S100Z: variants seen among roughly 807,000 people sequenced by gnomAD.
S100Z encodes S100 calcium binding protein Z, also known as protein S100-Z.
Under a neutral mutation model 8.5 loss-of-function variants are expected in S100Z, and 11 were observed. That is an observed-to-expected ratio of 1.30 (90% CI 0.82 to 2.15). The LOEUF (loss-of-function observed/expected upper bound fraction) is 2.15, where lower values mean the gene tolerates loss of function less well. S100Z is among the 30% of genes most tolerant of loss of function. S100Z has a pLI of 0.00. For synonymous variants in S100Z, 34 were observed against 43.8 expected, an observed-to-expected ratio of 0.78 and a Z score of 0.89; for missense variants, 126 against 117.9, an observed-to-expected ratio of 1.07 and a Z score of -0.32.
At chr5:76,916,473 G>A (rs1744857581) in intron 4 of S100Z, among the ~76,000 whole-genome samples, 1 of 149,060 alleles carries the variant, frequency 6.7e-6, no homozygotes, top group South Asian at 2.1e-4. Context: ...TCAACAACAG[G>A]CCACACATTA....
chr5:76,850,028 G>A lies in S100Z; in HGVS notation c.-303G>A, dbSNP rs939591765. On this transcript the variant is annotated 5_prime_UTR_variant, in exon 1 of 5. Coordinates refer to ENST00000317593, the MANE Select transcript of S100Z (RefSeq NM_130772.4). The stretch of plus-strand genomic sequence containing the variant: ...GTCTGGACCACGCAGACTCAGAACA[G>A]CACTACTCACAGCAGGGCCTCTTGC... The A allele has an allele frequency of 6.6e-6, 1 of 152,226 alleles. No individual in the cohort carries two copies. Among genetic ancestry groups the A allele is most frequent in the African/African-American group, 2.4e-5 (1 of 41,448 alleles). The allele number at this position is 152,226 out of a possible 1,614,324, so 9.4% of individuals were successfully genotyped here.
At chr5:76,936,120 T>C in the S100Z span, among the ~76,000 whole-genome samples, 1 of 152,188 alleles carries the variant, frequency 6.6e-6, no homozygotes, top group Non-Finnish European at 1.5e-5. Context: ...ATTACAATAG[T>C]AAATTATTCT....
chr5:76,910,031 C>T (rs1400905779), intron 4 of S100Z, among the ~76,000 whole-genome samples: 1 of 152,228 alleles, frequency 6.6e-6, no homozygotes, highest in Non-Finnish European at 1.5e-5. Context: ...TGGATCCCCA[C>T]TGGGATCTCA....
chr5:76,912,966 CA>C, intron 4 of S100Z, among the ~76,000 whole-genome samples: 1 of 151,440 alleles, frequency 6.6e-6, no homozygotes, highest in East Asian at 1.9e-4. Flanking sequence ...AAGAGACAGA[CA>C]AAAAGGGAGT....
chr5:76,939,259 T>C, the S100Z span, among the ~76,000 whole-genome samples: 1 of 151,788 alleles, frequency 6.6e-6, no homozygotes, highest in East Asian at 1.9e-4. Context: ...TTCATGCCAT[T>C]CTCCTGCCTC....
chr5:76,870,503 C>G (rs1016267436), intron 2 of S100Z, among the ~76,000 whole-genome samples: 1 of 152,194 alleles, frequency 6.6e-6, no homozygotes, highest in Non-Finnish European at 1.5e-5. Context: ...CTGGAGCAGT[C>G]TCACAGAACC....
chr5:76,940,545 T>C, the S100Z span, among the ~76,000 whole-genome samples: 1 of 152,122 alleles, frequency 6.6e-6, no homozygotes, highest in Non-Finnish European at 1.5e-5. Flanking sequence ...CCTGAGTAGC[T>C]GGGATTACAG....
At chr5:76,907,137 A>G (rs905743215) in intron 4 of S100Z, among the ~76,000 whole-genome samples, 3 of 151,188 alleles carry the variant, frequency 2.0e-5, no homozygotes, top group Admixed American at 1.3e-4. Flanking sequence ...TTGTTTCAAT[A>G]TTATCAAGAC....
the S100Z span, among the ~76,000 whole-genome samples, chr5:76,939,221 C>T: frequency 5.3e-5 from 8 of 150,708 alleles, no homozygotes; most frequent in African/African-American, 1.7e-4. Context: ...GGCATGATCT[C>T]GGCTCACTGC....
chr5:76,874,789 A>T (rs1389953492), intron 2 of S100Z, among the ~76,000 whole-genome samples: 1 of 152,092 alleles, frequency 6.6e-6, no homozygotes, highest in African/African-American at 2.4e-5. Context: ...TTGGGGGTGT[A>T]GGGATTAGCG....
intron 1 of S100Z, among the ~76,000 whole-genome samples, chr5:76,866,397 A>G (rs977220875): frequency 1.3e-5 from 2 of 152,112 alleles, no homozygotes; most frequent in Non-Finnish European, 2.9e-5. Flanking sequence ...GAAAAGTATT[A>G]TAAAATAAAT....
In S100Z at chr5:76,867,725, G is replaced by A. The variant is rs112865479; in HGVS notation, c.-175-2441G>A. ...GCCTCTCGAGTAGCTGGGATTACAG[G>A]CATGCATAACCATGCCCGACTAATT... On this transcript the variant is annotated intron_variant, in intron 1 of 4. Transcript: ENST00000317593. Among the ~76,000 whole-genome samples, 966 of 151,916 alleles carry A rather than the reference G, an allele frequency of 6.4e-3. 6 individuals are homozygous for A. The highest frequency in any genetic ancestry group is 9.5e-3 in the African/African-American group (393 of 41,430).
the S100Z span, among the ~76,000 whole-genome samples, chr5:76,941,308 T>C: frequency 6.6e-6 from 1 of 152,204 alleles, no homozygotes. Flanking sequence ...AATCCCCACA[T>C]GCCCTGGGAG....
chr5:76,925,308 C>T (rs968842825), downstream of S100Z, among the ~76,000 whole-genome samples: 19 of 152,204 alleles, frequency 1.2e-4, no homozygotes, highest in African/African-American at 3.4e-4. Flanking sequence ...GGGGTGTGAA[C>T]GCCAAGAGGC....
chr5:76,926,940 T>A, the S100Z span, among the ~76,000 whole-genome samples: 9 of 152,244 alleles, frequency 5.9e-5, no homozygotes, highest in Non-Finnish European at 1.0e-4. Flanking sequence ...TTCTTTTTCA[T>A]CTGGATGTTT....
At chr5:76,904,439 C>T (rs771649641) in intron 4 of S100Z, among the ~76,000 whole-genome samples, 4 of 152,212 alleles carry the variant, frequency 2.6e-5, no homozygotes, top group South Asian at 2.1e-4. Flanking sequence ...CGCCATCATG[C>T]CTGGCTAATT....
rs1335004747 is a variant in S100Z, at chr5:76,875,295, C to T, written c.-56-9C>T. 3 of 1,465,912 alleles carry T rather than the reference C, an allele frequency of 2.0e-6. No individual in the cohort carries two copies. The African/African-American group carries it at 4.2e-5, about 21-fold the overall frequency. The allele number at this position is 1,465,912 out of a possible 1,614,324, so 90.8% of individuals were successfully genotyped here. On this transcript the variant is annotated splice_polypyrimidine_tract_variant and intron_variant, in intron 2 of 4. Transcript: ENST00000317593. Reference sequence around the variant, plus strand: ...GTTGGTGTTTCCTCATCTGTTTATTCTGAACAAGTGTCTTCTCCCCGGGTT... The same window carrying T: ...GTTGGTGTTTCCTCATCTGTTTATTTTGAACAAGTGTCTTCTCCCCGGGTT...
the S100Z span, among the ~76,000 whole-genome samples, chr5:76,945,209 C>T: frequency 1.3e-5 from 2 of 152,170 alleles, no homozygotes; most frequent in Non-Finnish European, 2.9e-5. Context: ...TAAAAGTCAT[C>T]GCCATTCTCC....
chr5:76,854,776 C>T (rs1306075907), intron 1 of S100Z, among the ~76,000 whole-genome samples: 1 of 152,210 alleles, frequency 6.6e-6, no homozygotes, highest in Non-Finnish European at 1.5e-5. Context: ...ATGCTGATAG[C>T]CAAGACAATG....
Sources: gnomAD v4.1 joint callset for allele counts (sites outside exome capture counted in the v4.1 genomes callset) on GRCh38, gnomAD v4.1.1 for gene constraint, MANE v1.5 for transcripts, NCBI Gene and HGNC (gene_info 2026-07-23, HGNC 2026-07-21) for gene names.